The following ADGRA1 variants were observed in gnomAD, a reference collection of about 807,000 sequenced individuals.
ADGRA1 encodes adhesion G protein-coupled receptor A1.
A neutral mutation model predicts 21.3 loss-of-function variants in ADGRA1; 12 were observed. The ratio of observed to expected loss-of-function variants is 0.56; its 90% CI spans 0.36 to 0.91. The LOEUF is 0.91. ADGRA1 is among the 40% of genes least tolerant of loss of function. ADGRA1 has a pLI of 0.01. For synonymous variants in ADGRA1, 385 were observed against 368.8 expected (o/e 1.04, Z -0.50); for missense variants, 790 against 805.6 (o/e 0.98, Z 0.23).
chr10:133,094,156 C>A (rs1253375971), intron 2 of ADGRA1, among the ~76,000 whole-genome samples: 1 of 152,242 alleles, frequency 6.6e-6, no homozygotes, highest in African/African-American at 2.4e-5. Flanking sequence ...GACGAGAAGC[C>A]CCACACAAGG....
intron 5 of ADGRA1, among the ~76,000 whole-genome samples, chr10:133,104,206 C>A (rs1265214599): frequency 6.6e-6 from 1 of 152,238 alleles, no homozygotes; most frequent in African/African-American, 2.4e-5. Flanking sequence ...TTCAGATCCA[C>A]GCAGACACGT....
chr10:133,110,367 C>T (rs112104619), intron 5 of ADGRA1, among the ~76,000 whole-genome samples: 2 of 152,380 alleles, frequency 1.3e-5, no homozygotes, highest in African/African-American at 2.4e-5. Flanking sequence ...CAGGTGCTGC[C>T]GTCAGTCATA....
At chr10:133,100,105 G>C (rs571118708) in intron 4 of ADGRA1, among the ~76,000 whole-genome samples, 2 of 152,242 alleles carry the variant, frequency 1.3e-5, no homozygotes, top group Non-Finnish European at 2.9e-5. Context: ...CGTCCGGCAC[G>C]CAGAGGAGAC....
At chr10:133,106,425 C>G (rs1450571022) in intron 5 of ADGRA1, among the ~76,000 whole-genome samples, 3 of 152,244 alleles carry the variant, frequency 2.0e-5, no homozygotes, top group African/African-American at 7.2e-5. Context: ...GTGGTCCTGC[C>G]TGGGACCCTG....
At chr10:133,096,522 A>G (rs1304568101) in intron 2 of ADGRA1, among the ~76,000 whole-genome samples, 3 of 152,220 alleles carry the variant, frequency 2.0e-5, no homozygotes, top group South Asian at 2.1e-4. Flanking sequence ...AGATGTTGAC[A>G]AGCAGGGTTT....
intron 2 of ADGRA1, among the ~76,000 whole-genome samples, chr10:133,091,859 G>A (rs1851601235): frequency 6.6e-6 from 1 of 152,200 alleles, no homozygotes; most frequent in Non-Finnish European, 1.5e-5. Context: ...CCTCCAACCG[G>A]AGGGTGACAG....
In ADGRA1 at chr10:133,102,696, G is replaced by A; in HGVS notation, c.256-1G>A. On this transcript the variant is annotated splice_acceptor_variant, in intron 4 of 6. Transcript: ENST00000392607. LOFTEE classifies it high-confidence loss of function. ...CCTGGCTGACCGCTGCTCCCCCACA[G>A]GTGGGCATCGTGCTGCACTATTCTA... 6.3e-7 allele frequency: 1 copy of A among 1,594,956 alleles called. No homozygotes were observed. The highest frequency in any genetic ancestry group is 8.6e-7 in the Non-Finnish European group (1 of 1,165,810).
At chr10:133,093,306 C>T in intron 2 of ADGRA1, 1 of 1,537,004 alleles carries the variant, frequency 6.5e-7, no homozygotes. Flanking sequence ...CGACTGCTTC[C>T]TTCTCATCTT....
Position 133,129,832 on chromosome 10 carries a change from T to G in ADGRA1, c.*321T>G. Reference sequence around the variant, plus strand: ...GTTTCTGTCCTGTGGTCTCCAGTCCTGGGGCACCCTAGAGGCAGAGCAGGG... The same window carrying G: ...GTTTCTGTCCTGTGGTCTCCAGTCCGGGGGCACCCTAGAGGCAGAGCAGGG... On this transcript the variant is annotated 3_prime_UTR_variant, in exon 7 of 7. Transcript: ENST00000392607. 3.2e-6 allele frequency: 1 copy of G among 308,008 alleles called. No individual in the cohort carries two copies. Among genetic ancestry groups the G allele is most frequent in the South Asian group, 5.3e-5 (1 of 19,044 alleles). The allele number at this position is 308,008 out of a possible 1,614,324, so 19.1% of individuals were successfully genotyped here.
intron 5 of ADGRA1, among the ~76,000 whole-genome samples, chr10:133,124,141 C>T (rs1852329579): frequency 6.6e-6 from 1 of 151,382 alleles, no homozygotes; most frequent in Non-Finnish European, 1.5e-5. Context: ...CCTCCCCGGC[C>T]AGCCCACCCT....
chr10:133,103,833 T>G (rs147803100), intron 5 of ADGRA1, among the ~76,000 whole-genome samples: 110 of 152,332 alleles, frequency 7.2e-4, no homozygotes, highest in African/African-American at 2.0e-3. Flanking sequence ...CCAGACACAG[T>G]TGGCGAAAGC....
At chr10:133,091,378 TTGCTGTGGGATA>T (rs933702513) in intron 2 of ADGRA1, among the ~76,000 whole-genome samples, 1 of 151,844 alleles carries the variant, frequency 6.6e-6, no homozygotes, top group South Asian at 2.1e-4. Context: ...TGCAGTGTGG[TTGCTGTGGGATA>T]TGGTGTGGTG....
chr10:133,117,325 C>CGCCGAAAGCCTGGCCTGAGTGAGT (rs1396523137), intron 5 of ADGRA1, among the ~76,000 whole-genome samples: 3 of 152,200 alleles, frequency 2.0e-5, no homozygotes, highest in African/African-American at 7.2e-5. Context: ...AGCAGGCACG[C>CGCCGAAAGCCTGGCCTGAGTGAGT]GCCGAAAGCC....
chr10:133,112,394 G>A (rs61862112), intron 5 of ADGRA1, among the ~76,000 whole-genome samples: 2,758 of 137,968 alleles, frequency 0.02, 55 homozygotes, highest in Non-Finnish European at 0.029. Context: ...TGGGGTCTAC[G>A]GGCCGCGTCC....
intron 5 of ADGRA1, among the ~76,000 whole-genome samples, chr10:133,118,158 T>C (rs767342291): frequency 1.2e-4 from 19 of 152,238 alleles, no homozygotes; most frequent in Non-Finnish European, 2.4e-4. Flanking sequence ...CCCACCAGCC[T>C]CTTCCTGCCT....
chr10:133,112,603 AGTCTACGGGCTACGTCGGTTATTTGG>A (rs1852066937), intron 5 of ADGRA1, among the ~76,000 whole-genome samples: 1 of 81,720 alleles, frequency 1.2e-5, no homozygotes, highest in Admixed American at 1.2e-4. Context: ...GGTTATTTGG[AGTCTACGGGCTACGTCGGTTATTTGG>A]GGTCTACGGG....
At chr10:133,107,896 T>G (rs1057071082) in intron 5 of ADGRA1, among the ~76,000 whole-genome samples, 4 of 152,236 alleles carry the variant, frequency 2.6e-5, no homozygotes, top group Admixed American at 1.3e-4. Context: ...AGTGTGGTTT[T>G]GGGTGGCTTG....
Position 133,129,247 on chromosome 10 carries a change from C to T in ADGRA1, c.1419C>T (p.Thr473=). 1 of 1,549,702 alleles carries T rather than the reference C, an allele frequency of 6.5e-7. No individual in the cohort carries two copies. The highest frequency in any genetic ancestry group is 1.2e-5 in the South Asian group (1 of 84,098). Residue 473 remains threonine, a synonymous_variant, in exon 7 of 7, where the codon ACC becomes ACT. Transcript: ENST00000392607. ...PAGTHTLACC[T]QGDPFPMVTQ... The stretch of plus-strand genomic sequence containing the variant: ...GGACACACACGCTGGCCTGCTGCAC[C>T]CAGGGCGACCCCTTCCCCATGGTCA...
intron 5 of ADGRA1, among the ~76,000 whole-genome samples, chr10:133,126,775 G>A (rs942187419): frequency 6.6e-6 from 1 of 152,230 alleles, no homozygotes; most frequent in Non-Finnish European, 1.5e-5. Context: ...TTCTTCCCCT[G>A]AGGCTGAGCG....
Sources: allele counts gnomAD v4.1 joint callset (sites outside exome capture counted in the v4.1 genomes callset), GRCh38; gene constraint gnomAD v4.1.1; transcripts MANE v1.5; gene names NCBI Gene and HGNC (gene_info 2026-07-23, HGNC 2026-07-21).